The following EEF1AKMT2 variants were observed in gnomAD, a reference collection of about 807,000 sequenced individuals.
EEF1AKMT2 encodes EEF1A lysine methyltransferase 2.
Under a neutral mutation model 35.8 loss-of-function variants are expected in EEF1AKMT2, and 32 were observed. The ratio of observed to expected loss-of-function variants is 0.89; its 90% CI spans 0.67 to 1.20. EEF1AKMT2 has a LOEUF of 1.20. Ranked by LOEUF, EEF1AKMT2 falls within the 50% of genes most tolerant of loss-of-function variation. EEF1AKMT2 has a pLI of 0.00. For missense variants in EEF1AKMT2, 330 were observed against 347.5 expected (o/e 0.95, Z 0.40); for synonymous variants, 121 against 133.7 (o/e 0.91, Z 0.65).
At chr10:124,771,817 T>C (rs1446314998) in intron 4 of EEF1AKMT2, among the ~76,000 whole-genome samples, 2 of 152,068 alleles carry the variant, frequency 1.3e-5, no homozygotes, top group South Asian at 2.1e-4. Flanking sequence ...TGCAGTGAGC[T>C]GAGATCGAGT....
intron 4 of EEF1AKMT2, among the ~76,000 whole-genome samples, chr10:124,772,898 G>A (rs1377152443): frequency 6.6e-6 from 1 of 152,158 alleles, no homozygotes; most frequent in African/African-American, 2.4e-5. Context: ...TCTTCTATCT[G>A]GAGCACTAAA....
In EEF1AKMT2 at chr10:124,758,022, C is replaced by G. The variant is rs1020773762; in HGVS notation, c.*2481G>C. The G allele has an allele frequency of 5.3e-5, 8 of 152,322 alleles. No individual in the cohort carries two copies. The highest frequency in any genetic ancestry group is 1.7e-4 in the African/African-American group (7 of 41,558). The allele number at this position is 152,322 out of a possible 1,614,324, so 9.4% of individuals were successfully genotyped here. A position where few individuals can be genotyped will look rare whatever the true frequency, so the allele number is the denominator to read the frequency against. The stretch of plus-strand genomic sequence containing the variant: ...GGCCTCAATTCCCTTTGGACTTGCA[C>G]ACGCACTTCCTACACACAGAAGTGG... On this transcript the variant is annotated 3_prime_UTR_variant, in exon 7 of 7. Coordinates refer to ENST00000368836, the MANE Select transcript of EEF1AKMT2 (RefSeq NM_212554.4).
At position 124,758,496 on chromosome 10, in the gene EEF1AKMT2, T is replaced by A. The variant is rs1950304252; in HGVS notation, c.*2007A>T. On this transcript the variant is annotated 3_prime_UTR_variant, in exon 7 of 7. Coordinates refer to ENST00000368836, the MANE Select transcript of EEF1AKMT2 (RefSeq NM_212554.4). ...TCCTTTTCCTAACCTTATCAAAAGC[T>A]CTATGGTTAAAAAAAAAAAAAAAAA... 7.5e-6 allele frequency: 1 copy of A among 132,904 alleles called. No individual in the cohort carries two copies. The highest frequency in any genetic ancestry group is 2.7e-4 in the South Asian group (1 of 3,728). 8.2% of individuals were successfully genotyped at this position (132,904 alleles called of 1,614,324 possible). A position where few individuals can be genotyped will look rare whatever the true frequency, so the allele number is the denominator to read the frequency against.
At chr10:124,779,850 C>T (rs1437054358) in intron 3 of EEF1AKMT2, among the ~76,000 whole-genome samples, 1 of 149,256 alleles carries the variant, frequency 6.7e-6, no homozygotes, top group Non-Finnish European at 1.5e-5. Context: ...ATCCTGAGGT[C>T]AGGAGATCGA....
At chr10:124,779,507 G>A (rs1950517862) in intron 3 of EEF1AKMT2, among the ~76,000 whole-genome samples, 1 of 151,642 alleles carries the variant, frequency 6.6e-6, no homozygotes, top group Non-Finnish European at 1.5e-5. Context: ...AGCACTTTGG[G>A]AGGCCGAGGC....
At chr10:124,781,145 C>G (rs1950536141) in intron 3 of EEF1AKMT2, among the ~76,000 whole-genome samples, 1 of 151,922 alleles carries the variant, frequency 6.6e-6, no homozygotes, top group Non-Finnish European at 1.5e-5. Flanking sequence ...GGGGGTCCAC[C>G]ATGTTGGCCA....
At chr10:124,767,357 C>CA (rs1950387838) in intron 4 of EEF1AKMT2, among the ~76,000 whole-genome samples, 1 of 150,516 alleles carries the variant, frequency 6.6e-6, no homozygotes, top group Non-Finnish European at 1.5e-5. Context: ...ACTAAAAATA[C>CA]AAAAAATTAG....
chr10:124,786,652 C>T (rs923411008), intron 3 of EEF1AKMT2, among the ~76,000 whole-genome samples: 1 of 151,154 alleles, frequency 6.6e-6, no homozygotes. Flanking sequence ...ATCTCTACTA[C>T]AAATACAAAA....
At chr10:124,780,041 C>A (rs1419207935) in intron 3 of EEF1AKMT2, among the ~76,000 whole-genome samples, 1 of 152,080 alleles carries the variant, frequency 6.6e-6, no homozygotes, top group Non-Finnish European at 1.5e-5. Flanking sequence ...CTCCAGCACT[C>A]CAGCCTGGGC....
In EEF1AKMT2 at chr10:124,760,512, C is replaced by G. The variant is rs762893061; in HGVS notation, c.*-9G>C. 5.0e-6 allele frequency: 8 copies of G among 1,610,044 alleles called. No homozygotes were observed. The African/African-American group carries it at 8.0e-5, about 16-fold the overall frequency. On this transcript the variant is annotated splice_polypyrimidine_tract_variant and intron_variant, in intron 6 of 6. Transcript: ENST00000368836. The stretch of plus-strand genomic sequence containing the variant: ...TTCGAGAAGTTCAAATCCTGTCAGA[C>G]AAAATTTAAATACTTTTATTAAGAA...
chr10:124,762,185 T>C (rs1298630750), intron 6 of EEF1AKMT2, 115 bp downstream of exon 6: 2 of 816,264 alleles, frequency 2.5e-6, no homozygotes, highest in Non-Finnish European at 1.6e-6. Flanking sequence ...GCCATCAAAT[T>C]CACTGTGATT....
At chr10:124,790,224 A>T (rs1296152437) in intron 2 of EEF1AKMT2, 49 bp downstream of exon 2, 1 of 1,369,018 alleles carries the variant, frequency 7.3e-7, no homozygotes, top group African/African-American at 1.4e-5. Flanking sequence ...ACACACACAC[A>T]TATACATATA....
At chr10:124,771,736 G>A (rs567878646) in intron 4 of EEF1AKMT2, among the ~76,000 whole-genome samples, 1 of 152,094 alleles carries the variant, frequency 6.6e-6, no homozygotes, top group South Asian at 2.1e-4. Flanking sequence ...AGGTGTGGTG[G>A]CAGGCACCTG....
intron 4 of EEF1AKMT2, among the ~76,000 whole-genome samples, chr10:124,770,349 G>A (rs934287328): frequency 2.6e-5 from 4 of 152,086 alleles, no homozygotes; most frequent in Admixed American, 6.5e-5. Context: ...CCCAGGAGGC[G>A]GAAGTTGCAA....
intron 1 of EEF1AKMT2, among the ~76,000 whole-genome samples, chr10:124,791,217 T>C (rs1950631437): frequency 6.6e-6 from 1 of 152,004 alleles, no homozygotes; most frequent in Admixed American, 6.6e-5. Flanking sequence ...GAGCGTCTGT[T>C]TGAGGTCAGA....
chr10:124,764,306 A>C (rs2134120918), intron 5 of EEF1AKMT2, among the ~76,000 whole-genome samples: 1 of 148,830 alleles, frequency 6.7e-6, no homozygotes, highest in Non-Finnish European at 1.5e-5. Context: ...GCAGGATCAA[A>C]AAAAAAAAAA....
intron 3 of EEF1AKMT2, among the ~76,000 whole-genome samples, chr10:124,778,527 C>T (rs1024548416): frequency 2.0e-5 from 3 of 151,940 alleles, no homozygotes; most frequent in African/African-American, 7.3e-5. Flanking sequence ...AGTTCGAGAC[C>T]AGCCTGGCCA....
intron 5 of EEF1AKMT2, 61 bp from the exon 6 acceptor site, chr10:124,762,619 A>T (rs1413297558): frequency 3.5e-5 from 33 of 943,134 alleles, no homozygotes; most frequent in Non-Finnish European, 4.4e-5. Flanking sequence ...ATATTATTGC[A>T]TCAATTGGTC....
In EEF1AKMT2 at chr10:124,758,726, T is replaced by G. The variant is rs888608143; in HGVS notation, c.*1777A>C. The G allele has an allele frequency of 3.9e-5, 6 of 152,188 alleles. No homozygotes were observed. Among genetic ancestry groups the G allele is most frequent in the Non-Finnish European group, 7.4e-5 (5 of 68,006 alleles). 9.4% of individuals were successfully genotyped at this position (152,188 alleles called of 1,614,324 possible). A position where few individuals can be genotyped will look rare whatever the true frequency, so the allele number is the denominator to read the frequency against. ...TAAGAGTACTTATCTATGTTATATT[T>G]GAAATCAAAGAATATTAATGTGAAA... On this transcript the variant is annotated 3_prime_UTR_variant, in exon 7 of 7. Coordinates refer to ENST00000368836, the MANE Select transcript of EEF1AKMT2 (RefSeq NM_212554.4).
Sources: gnomAD v4.1 joint callset for allele counts (sites outside exome capture counted in the v4.1 genomes callset) on GRCh38, gnomAD v4.1.1 for gene constraint, MANE v1.5 for transcripts, NCBI Gene and HGNC (gene_info 2026-07-23, HGNC 2026-07-21) for gene names.